The following JRKL variants were observed in gnomAD, a reference collection of about 807,000 sequenced individuals.
JRKL encodes the protein JRK like.
JRKL carries 25 observed loss-of-function variants against 34.7 expected under a neutral mutation model. The observed-to-expected ratio is 0.72, with a 90% CI of 0.53 to 1.01. The LOEUF (loss-of-function observed/expected upper bound fraction) is 1.01, where lower values mean the gene tolerates loss of function less well. Ranked by LOEUF, JRKL falls within the 50% of genes least tolerant of loss-of-function variation. The pLI is 0.00. For synonymous variants in JRKL, 204 were observed against 212.8 expected (o/e 0.96, Z 0.36); for missense variants, 495 against 615.7 (o/e 0.80, Z 2.07).
Position 96,390,831 on chromosome 11 carries a change from C to A in JRKL, c.182C>A (p.Ser61Tyr). The change falls in exon 2 of 2, where the codon TCC becomes TAC. Residue 61 changes from serine to tyrosine, a missense_variant. Physicochemically the swap from Ser to Tyr is moderately radical, Grantham distance 144. Coordinates refer to ENST00000332349, the MANE Select transcript of JRKL (RefSeq NM_001261833.2). ...KIITYASSSD[S>Y]TSLLAKRKSM... ...ATAACTTATGCAAGCAGTTCTGATT[C>A]CACAAGTCTTTTGGCCAAGAGGAAA... is the stretch of plus-strand genomic sequence containing the variant. 6.2e-7 allele frequency: 1 copy of A among 1,613,312 alleles called. No homozygotes were observed. The highest frequency in any genetic ancestry group is 8.5e-7 in the Non-Finnish European group (1 of 1,179,796).
rs139175426 is a variant in JRKL at position 96,392,074 on chromosome 11, T to A, written c.1425T>A (p.His475Gln). The A allele has an allele frequency of 6.2e-7, 1 of 1,613,994 alleles. No homozygotes were observed. The highest frequency in any genetic ancestry group is 1.1e-5 in the South Asian group (1 of 91,082). Residue 475 changes from histidine (H) to glutamine (Q), a missense_variant, in exon 2 of 2, where the codon CAT (histidine) becomes CAA (glutamine). Coordinates refer to ENST00000332349, the MANE Select transcript of JRKL (RefSeq NM_001261833.2). ...EEEIELIPEKHINHAAALQWT... is the reference protein window; with the variant it reads ...EEEIELIPEKQINHAAALQWT... Reference sequence around the variant, plus strand: ...AAATAGAACTAATTCCAGAGAAACATATTAATCATGCAGCTGCCCTCCAGT... The same window carrying A: ...AAATAGAACTAATTCCAGAGAAACAAATTAATCATGCAGCTGCCCTCCAGT...
chr11:96,392,354 T>C lies in JRKL; in HGVS notation c.*130T>C. ...ATACAGGCACAAAATGTATCTGAAG[T>C]GGTTTGAGGATTATGTGTTTTCATC... On this transcript the variant is annotated 3_prime_UTR_variant, in exon 2 of 2. Coordinates refer to ENST00000332349, the MANE Select transcript of JRKL (RefSeq NM_001261833.2). 1 of 1,344,454 alleles carries C rather than the reference T, an allele frequency of 7.4e-7. No individual in the cohort carries two copies. The highest frequency in any genetic ancestry group is 9.9e-7 in the Non-Finnish European group (1 of 1,013,606). The allele number at this position is 1,344,454 out of a possible 1,614,324, so 83.3% of individuals were successfully genotyped here. A position where few individuals can be genotyped will look rare whatever the true frequency, so the allele number is the denominator to read the frequency against.
chr11:96,392,063 C>A lies in JRKL; in HGVS notation c.1414C>A (p.Pro472Thr), dbSNP rs1329636018. 1 of 1,613,812 alleles carries A rather than the reference C, an allele frequency of 6.2e-7. No individual in the cohort carries two copies. Among genetic ancestry groups the A allele is most frequent in the East Asian group, 2.2e-5 (1 of 44,882 alleles). Residue 472 changes from proline (P) to threonine (T), a missense_variant, in exon 2 of 2, where the codon CCA becomes ACA. Transcript: ENST00000332349. ...TGAGGAGGAGGAAATAGAACTAATTCCAGAGAAACATATTAATCATGCAGC... is the reference window on the plus strand; with the variant it reads ...TGAGGAGGAGGAAATAGAACTAATTACAGAGAAACATATTAATCATGCAGC... ...ENEEEEIELI[P>T]EKHINHAAAL...
In JRKL at chr11:96,390,769, A is replaced by G. The variant is rs1391980047; in HGVS notation, c.120A>G (p.Thr40=). Reference sequence around the variant, plus strand: ...CAGTGATTTATGGAATTGGTGAAACAACAGTTCGGGATATAAGAAAAAATA... The same window carrying G: ...CAGTGATTTATGGAATTGGTGAAACGACAGTTCGGGATATAAGAAAAAATA... ...QLAVIYGIGE[T]TVRDIRKNKE... Residue 40 remains threonine (T), a synonymous_variant, in exon 2 of 2, where the codon ACA becomes ACG. Coordinates refer to ENST00000332349, the MANE Select transcript of JRKL (RefSeq NM_001261833.2). 1 of 1,613,836 alleles carries G rather than the reference A, an allele frequency of 6.2e-7. No individual in the cohort carries two copies. The highest frequency in any genetic ancestry group is 1.7e-5 in the Admixed American group (1 of 59,914).
rs1429086806 is a variant in JRKL, at chr11:96,392,078, A to C, written c.1429A>C (p.Asn477His). Residue 477 changes from asparagine (N) to histidine (H), a missense_variant, in exon 2 of 2, where the codon AAT becomes CAT. Asn to His is a moderately conservative substitution (Grantham distance 68). Transcript: ENST00000332349. ...AGAACTAATTCCAGAGAAACATATTAATCATGCAGCTGCCCTCCAGTGGAC... is the reference window on the plus strand; with the variant it reads ...AGAACTAATTCCAGAGAAACATATTCATCATGCAGCTGCCCTCCAGTGGAC... ...EIELIPEKHI[N>H]HAAALQWTEN... 1 of 1,614,052 alleles carries C rather than the reference A, an allele frequency of 6.2e-7. No homozygotes were observed. The highest frequency in any genetic ancestry group is 2.2e-5 in the East Asian group (1 of 44,874).
At position 96,392,375 on chromosome 11, in the gene JRKL, T is replaced by C; in HGVS notation, c.*151T>C. On this transcript the variant is annotated 3_prime_UTR_variant, in exon 2 of 2. Coordinates refer to ENST00000332349, the MANE Select transcript of JRKL (RefSeq NM_001261833.2). ...GAAGTGGTTTGAGGATTATGTGTTTTCATCATCTGTGTCTTTTGTCCTTTT... is the reference window on the plus strand; with the variant it reads ...GAAGTGGTTTGAGGATTATGTGTTTCCATCATCTGTGTCTTTTGTCCTTTT... The C allele has an allele frequency of 8.9e-7, 1 of 1,128,868 alleles. No individual in the cohort carries two copies. The highest frequency in any genetic ancestry group is 1.9e-5 in the South Asian group (1 of 52,270). 69.9% of individuals were successfully genotyped at this position (1,128,868 alleles called of 1,614,324 possible). A position where few individuals can be genotyped will look rare whatever the true frequency, so the allele number is the denominator to read the frequency against.
intron 1 of JRKL, among the ~76,000 whole-genome samples, 172 bp from the exon 2 acceptor site, chr11:96,390,311 G>GGA (rs1360659063): frequency 1.3e-5 from 2 of 152,182 alleles, no homozygotes; most frequent in Non-Finnish European, 2.9e-5. Context: ...TGGACGTGCA[G>GGA]GAGGTTCGTG....
Position 96,391,788 on chromosome 11 carries a change from C to T in JRKL, c.1139C>T (p.Thr380Ile). The T allele has an allele frequency of 6.2e-7, 1 of 1,614,154 alleles. No homozygotes were observed. The highest frequency in any genetic ancestry group is 8.5e-7 in the Non-Finnish European group (1 of 1,180,026). The part of the protein sequence containing the change: ...AMAWNLVKPV[T>I]ISRAWKKILP... ...GCATGGAACTTAGTAAAACCAGTTA[C>T]CATTAGCAGAGCATGGAAGAAGATT... Residue 380 changes from threonine to isoleucine, a missense_variant, in exon 2 of 2, where the codon ACC (threonine) becomes ATC (isoleucine). By Grantham distance (89) the Thr-to-Ile change is moderately conservative. Coordinates refer to ENST00000332349, the MANE Select transcript of JRKL (RefSeq NM_001261833.2).
Position 96,391,168 on chromosome 11 carries a change from C to G in JRKL, c.519C>G (p.Ile173Met). The G allele has an allele frequency of 1.9e-6, 3 of 1,577,436 alleles. No individual in the cohort carries two copies. Among genetic ancestry groups the G allele is most frequent in the Non-Finnish European group, 2.6e-6 (3 of 1,159,226 alleles). The change falls in exon 2 of 2, where the codon ATC becomes ATG. Residue 173 changes from isoleucine (I) to methionine (M), a missense_variant. Transcript: ENST00000332349. ...IERENLQPEQ[I>M]YNADETGLFW... ...GAGAGAATTTACAGCCTGAACAAAT[C>G]TACAATGCAGATGAAACTGGACTCT...
chr11:96,393,452 T>C lies in JRKL; in HGVS notation c.*1228T>C, dbSNP rs985207471. 1.6e-4 allele frequency among the ~76,000 whole-genome samples: 24 copies of C among 150,982 alleles called. No homozygotes were observed. The highest frequency in any genetic ancestry group is 3.2e-4 in the Non-Finnish European group (22 of 67,780). On this transcript the variant is annotated 3_prime_UTR_variant, in exon 2 of 2. Transcript: ENST00000332349. The stretch of plus-strand genomic sequence containing the variant: ...TTTATTCAAGACATTGAAACTACTT[T>C]GCACATATGAATATTAATGTAACTT...
rs1459048430 is a variant in JRKL, at chr11:96,391,412, G to C, written c.763G>C (p.Ala255Pro). Reference protein sequence around the residue: ...LPVSYFSQKGAWMDLSIFRQW... With the variant: ...LPVSYFSQKGPWMDLSIFRQW... ...AGTCTCTTATTTCAGCCAAAAAGGT[G>C]CATGGATGGATCTTTCCATTTTCCG... The change falls in exon 2 of 2, where the codon GCA becomes CCA. Residue 255 changes from alanine to proline, a missense_variant. Transcript: ENST00000332349. 3 of 1,551,568 alleles carry C rather than the reference G, an allele frequency of 1.9e-6. No individual in the cohort carries two copies. The highest frequency in any genetic ancestry group is 2.6e-6 in the Non-Finnish European group (3 of 1,147,002).
chr11:96,391,576 A>G lies in JRKL; in HGVS notation c.927A>G (p.Gln309=). The change falls in exon 2 of 2, where the codon CAA becomes CAG. Residue 309 remains glutamine, a synonymous_variant. Transcript: ENST00000332349. ...ATGTCCTAAGGTCAGATGATGGCCA[A>G]ATATTTGCTAAATATTTACCACCTA... ...NENVLRSDDG[Q]IFAKYLPPNV... 2 of 1,588,756 alleles carry G rather than the reference A, an allele frequency of 1.3e-6. No individual in the cohort carries two copies. Among genetic ancestry groups the G allele is most frequent in the Non-Finnish European group, 8.6e-7 (1 of 1,166,940 alleles).
At position 96,392,822 on chromosome 11, in the gene JRKL, G is replaced by A. The variant is rs1285979815; in HGVS notation, c.*598G>A. On this transcript the variant is annotated 3_prime_UTR_variant, in exon 2 of 2. Transcript: ENST00000332349. The stretch of plus-strand genomic sequence containing the variant: ...TTATTCTGGAAATGAAGTAAATATG[G>A]GAAGTTATTGCCAAATGAGAGAGAA... 6.0e-6 allele frequency: 1 copy of A among 166,924 alleles called. No homozygotes were observed. Among genetic ancestry groups the A allele is most frequent in the South Asian group, 2.1e-4 (1 of 4,830 alleles). 10.3% of individuals were successfully genotyped at this position (166,924 alleles called of 1,614,324 possible).
Position 96,391,018 on chromosome 11 carries a change from C to G in JRKL, c.369C>G (p.Ala123=), listed in dbSNP as rs1372654943. 1.2e-6 allele frequency: 2 copies of G among 1,614,010 alleles called. No homozygotes were observed. The highest frequency in any genetic ancestry group is 1.7e-6 in the Non-Finnish European group (2 of 1,180,030). Residue 123 remains alanine (A), a synonymous_variant, in exon 2 of 2, where the codon GCC becomes GCG. Transcript: ENST00000332349. The part of the protein sequence containing the change: ...LGMDGDFNPS[A]GWLTRFKQRH... ...TGGATGGTGATTTTAACCCCTCTGC[C>G]GGTTGGCTAACTCGTTTTAAGCAGC...
At position 96,391,919 on chromosome 11, in the gene JRKL, A is replaced by G; in HGVS notation, c.1270A>G (p.Thr424Ala). The stretch of plus-strand genomic sequence containing the variant: ...ACACACCAAAGGATTGGAAAATGTG[A>G]CTACTGAGAACCTTGAAAAATGGCT... The part of the protein sequence containing the change: ...LQHTKGLENV[T>A]TENLEKWLEV... Residue 424 changes from threonine (T) to alanine (A), a missense_variant, in exon 2 of 2, where the codon ACT becomes GCT. Transcript: ENST00000332349. The G allele has an allele frequency of 6.2e-7, 1 of 1,614,174 alleles. No individual in the cohort carries two copies. Among genetic ancestry groups the G allele is most frequent in the South Asian group, 1.1e-5 (1 of 91,084 alleles).
rs144201989 is a variant in JRKL at position 96,390,868 on chromosome 11, A to T, written c.219A>T (p.Pro73=). ...TGGCCAAGAGGAAATCTATGAAGCC[A>T]TCCATGTATGAGGAATTGGACAGGG... The part of the protein sequence containing the change: ...SLLAKRKSMK[P]SMYEELDRAM... The change falls in exon 2 of 2, where the codon CCA becomes CCT. Residue 73 remains proline, a synonymous_variant. Transcript: ENST00000332349. 1 of 1,614,102 alleles carries T rather than the reference A, an allele frequency of 6.2e-7. No homozygotes were observed. The highest frequency in any genetic ancestry group is 1.7e-5 in the Admixed American group (1 of 60,002).
In JRKL at chr11:96,390,582, G is replaced by A; in HGVS notation, c.-68G>A. ...GTGTTAAGACTGTTGAAGTGAGCCT[G>A]TGTAAGAGAAGGAAGGATTTTGTGG... On this transcript the variant is annotated 5_prime_UTR_variant, in exon 2 of 2. It adds an upstream start codon to the 5' untranslated region. Coordinates refer to ENST00000332349, the MANE Select transcript of JRKL (RefSeq NM_001261833.2). The A allele has an allele frequency of 6.6e-7, 1 of 1,526,572 alleles. No homozygotes were observed. The highest frequency in any genetic ancestry group is 2.2e-5 in the East Asian group (1 of 44,446). 94.6% of individuals were successfully genotyped at this position (1,526,572 alleles called of 1,614,324 possible).
Position 96,391,929 on chromosome 11 carries a change from A to G in JRKL, c.1280A>G (p.Asn427Ser). The change falls in exon 2 of 2, where the codon AAC becomes AGC. Residue 427 changes from asparagine to serine, a missense_variant. Transcript: ENST00000332349. ...TKGLENVTTE[N>S]LEKWLEVDST... ...GGATTGGAAAATGTGACTACTGAGAACCTTGAAAAATGGCTTGAAGTAGAC... is the reference window on the plus strand; with the variant it reads ...GGATTGGAAAATGTGACTACTGAGAGCCTTGAAAAATGGCTTGAAGTAGAC... 1 of 1,614,156 alleles carries G rather than the reference A, an allele frequency of 6.2e-7. No homozygotes were observed. The highest frequency in any genetic ancestry group is 1.1e-5 in the South Asian group (1 of 91,090).
Position 96,392,369 on chromosome 11 carries a change from G to T in JRKL, c.*145G>T. ...GTATCTGAAGTGGTTTGAGGATTAT[G>T]TGTTTTCATCATCTGTGTCTTTTGT... On this transcript the variant is annotated 3_prime_UTR_variant, in exon 2 of 2. Transcript: ENST00000332349. The T allele has an allele frequency of 8.3e-7, 1 of 1,204,528 alleles. No homozygotes were observed. The allele number at this position is 1,204,528 out of a possible 1,614,324, so 74.6% of individuals were successfully genotyped here.
Sources: gnomAD v4.1 joint callset for allele counts (sites outside exome capture counted in the v4.1 genomes callset) on GRCh38, gnomAD v4.1.1 for gene constraint, MANE v1.5 for transcripts, NCBI Gene and HGNC (gene_info 2026-07-23, HGNC 2026-07-21) for gene names.